Variants in TOP3A observed in about 807,000 individuals in gnomAD.
The protein encoded by TOP3A is DNA topoisomerase III alpha.
TOP3A carries 64 observed loss-of-function variants against 111.3 expected under a neutral mutation model. The observed-to-expected ratio is 0.57, with a 90% CI of 0.47 to 0.71. TOP3A has a LOEUF of 0.71. Among genes scored for constraint, TOP3A ranks in the 30% least tolerant of loss-of-function variants. TOP3A has a pLI of 0.00. For missense variants in TOP3A, 1,104 were observed against 1,285.0 expected, an observed-to-expected ratio of 0.86 and a Z score of 2.15; for synonymous variants, 484 against 485.1, an observed-to-expected ratio of 1.00 and a Z score of 0.03.
chr17:18,304,109 C>T (rs1039697565), intron 5 of TOP3A, among the ~76,000 whole-genome samples: 1 of 151,956 alleles, frequency 6.6e-6, no homozygotes, highest in East Asian at 2.0e-4. Flanking sequence ...GGACTACAGG[C>T]GCCCGCCACC....
chr17:18,305,484 A>ACGCGCGCGCGCGCG (rs780995241), intron 4 of TOP3A, among the ~76,000 whole-genome samples: 7 of 147,882 alleles, frequency 4.7e-5, no homozygotes, highest in Non-Finnish European at 1.0e-4. Context: ...TAACACACAC[A>ACGCGCGCGCGCGCG]CACGCGCGCG....
rs369696393 is a variant in TOP3A at position 18,306,290 on chromosome 17, C to T, written c.390+601G>A. 2.6e-5 allele frequency among the ~76,000 whole-genome samples: 4 copies of T among 152,192 alleles called. No individual in the cohort carries two copies. In the East Asian group the frequency reaches 7.7e-4, roughly 29 times the overall value. On this transcript the variant is annotated intron_variant, in intron 4 of 18. Transcript: ENST00000321105. ...TGACAACTGGCAATTTACTGTCAAA[C>T]AGGCATTTATACTTTGTAGCCTCTT...
chr17:18,290,662 A>G lies in TOP3A; in HGVS notation c.1492T>C (p.Ser498Pro), dbSNP rs1218587177. 1 of 1,606,856 alleles carries G rather than the reference A, an allele frequency of 6.2e-7. No homozygotes were observed. Among genetic ancestry groups the G allele is most frequent in the Non-Finnish European group, 8.5e-7 (1 of 1,175,400 alleles). The change falls in exon 13 of 19, where the codon TCC (serine) becomes CCC (proline). Residue 498 changes from serine to proline, a missense_variant. Ser to Pro is a moderately conservative substitution (Grantham distance 74, BLOSUM62 -1). Coordinates refer to ENST00000321105, the MANE Select transcript of TOP3A (RefSeq NM_004618.5). ...DKILPVYEQG[S>P]HFQPSTVEMV... The stretch of plus-strand genomic sequence containing the variant: ...TCCACGGTGCTGGGCTGAAAGTGGG[A>G]TCCTTGCTCATAGACAGGGAGGATC...
In TOP3A at chr17:18,301,888, C is replaced by T; in HGVS notation, c.912G>A (p.Val304=). Residue 304 remains valine, a synonymous_variant, in exon 8 of 19, where the codon GTG becomes GTA. Transcript: ENST00000321105. The part of the protein sequence containing the change: ...TACLVLYQLC[V]EDPMATVVEV... ...CTAGATCATTAGGGGTTCTTACCTC[C>T]ACACACAACTGATAGAGAACTAGGC... 6.2e-7 allele frequency: 1 copy of T among 1,613,634 alleles called. No homozygotes were observed.
intron 17 of TOP3A, among the ~76,000 whole-genome samples, chr17:18,280,021 C>A (rs2142938442): frequency 6.6e-6 from 1 of 152,158 alleles, no homozygotes; most frequent in East Asian, 1.9e-4. Context: ...CATAGTGGTG[C>A]ATGCCTGTAA....
In TOP3A at chr17:18,305,174, C is replaced by G; in HGVS notation, c.437G>C (p.Trp146Ser). ...TTCGCCTTCTCTATCACAGTCAGTC[C>G]AGATCACCAGAGCCTGGCACTGGCG... ...ETRQCQALVI[W>S]TDCDREGENI... Residue 146 changes from tryptophan (W) to serine (S), a missense_variant, in exon 5 of 19, where the codon TGG becomes TCG. Physicochemically the swap from Trp to Ser is radical, Grantham distance 177. Transcript: ENST00000321105. The G allele has an allele frequency of 6.2e-7, 1 of 1,614,158 alleles. No individual in the cohort carries two copies.
chr17:18,296,362 A>G (rs1980804786), intron 9 of TOP3A, among the ~76,000 whole-genome samples: 1 of 152,142 alleles, frequency 6.6e-6, no homozygotes, highest in South Asian at 2.1e-4. Context: ...CGGGCGGATC[A>G]CAAGTTCAAT....
In TOP3A at chr17:18,308,343, G is replaced by T; in HGVS notation, c.314+8C>A. The T allele has an allele frequency of 6.4e-7, 1 of 1,563,038 alleles. No homozygotes were observed. The highest frequency in any genetic ancestry group is 2.4e-5 in the East Asian group (1 of 41,492). On this transcript the variant is annotated splice_region_variant and intron_variant, in intron 3 of 18. Transcript: ENST00000321105. ...TCTGAAAGTCCTTCCCTTGAGAATTGTACTGACCATTTTCGAAACTGCATC... is the reference window on the plus strand; with the variant it reads ...TCTGAAAGTCCTTCCCTTGAGAATTTTACTGACCATTTTCGAAACTGCATC...
chr17:18,301,625 A>G (rs1458126107), intron 8 of TOP3A, among the ~76,000 whole-genome samples: 1 of 152,232 alleles, frequency 6.6e-6, no homozygotes, highest in Non-Finnish European at 1.5e-5. Context: ...ATTTCTGGTG[A>G]TAGTATATGC....
chr17:18,291,841 A>G (rs1055759479), intron 11 of TOP3A, among the ~76,000 whole-genome samples: 8 of 151,844 alleles, frequency 5.3e-5, no homozygotes, highest in Admixed American at 4.6e-4. Context: ...CAGCCTCCTG[A>G]GAGTTGGGAC....
chr17:18,312,566 TG>T (rs1567754783), intron 1 of TOP3A: 1 of 177,534 alleles, frequency 5.6e-6, no homozygotes, highest in Non-Finnish European at 1.2e-5. Context: ...CTGCTGTCAC[TG>T]GGGAGGCAAT....
chr17:18,314,043 G>C (rs1982087128), intron 1 of TOP3A, among the ~76,000 whole-genome samples: 1 of 152,068 alleles, frequency 6.6e-6, no homozygotes, highest in Non-Finnish European at 1.5e-5. Flanking sequence ...CAGTTCATTC[G>C]GGTAGGAACA....
chr17:18,294,873 G>T, intron 9 of TOP3A, 88 bp from the exon 10 acceptor site: 1 of 872,968 alleles, frequency 1.1e-6, no homozygotes, highest in Non-Finnish European at 1.9e-6. Flanking sequence ...AGTCAAATCT[G>T]GCCCGTGTCA....
chr17:18,296,143 C>T lies in TOP3A; in HGVS notation c.991-1358G>A, dbSNP rs538367413. ...GTCTGAGAACCACACTTTGGGAATA[C>T]CACCCAAGCCCCAGTAAATTCTCCT... On this transcript the variant is annotated intron_variant, in intron 9 of 18. Coordinates refer to ENST00000321105, the MANE Select transcript of TOP3A (RefSeq NM_004618.5). Among the ~76,000 whole-genome samples, 34 of 152,274 alleles carry T rather than the reference C, an allele frequency of 2.2e-4. No homozygotes were observed. The South Asian group carries it at 6.8e-3, about 31-fold the overall frequency.
intron 13 of TOP3A, among the ~76,000 whole-genome samples, chr17:18,288,486 G>A (rs1980266219): frequency 6.6e-6 from 1 of 151,990 alleles, no homozygotes; most frequent in Admixed American, 6.6e-5. Flanking sequence ...TTTTGTAAGT[G>A]TACCTCTATG....
chr17:18,294,499 T>G (rs1980673082), intron 10 of TOP3A, among the ~76,000 whole-genome samples: 1 of 152,100 alleles, frequency 6.6e-6, no homozygotes, highest in African/African-American at 2.4e-5. Flanking sequence ...CCAGCTAATT[T>G]TTGTATTTTT....
At chr17:18,291,116 G>T in intron 11 of TOP3A, 89 bp from the exon 12 acceptor site, 1 of 1,340,696 alleles carries the variant, frequency 7.5e-7, no homozygotes, top group Non-Finnish European at 1.0e-6. Context: ...CTAATGTCCT[G>T]CACAGAAGAG....
intron 17 of TOP3A, among the ~76,000 whole-genome samples, chr17:18,279,648 C>T (rs1469765442): frequency 6.6e-6 from 1 of 151,970 alleles, no homozygotes; most frequent in Admixed American, 6.6e-5. Flanking sequence ...CTCGGCCTCC[C>T]AAAATGCTGG....
At chr17:18,277,553 A>G in intron 18 of TOP3A, 122 bp downstream of exon 18, 1 of 1,104,294 alleles carries the variant, frequency 9.1e-7, no homozygotes, top group Non-Finnish European at 1.3e-6. Flanking sequence ...GGTGCAAGGC[A>G]GCCCAGGTGC....
Sources: gnomAD v4.1 joint callset for allele counts (sites outside exome capture counted in the v4.1 genomes callset) on GRCh38, gnomAD v4.1.1 for gene constraint, MANE v1.5 for transcripts, NCBI Gene and HGNC (gene_info 2026-07-23, HGNC 2026-07-21) for gene names.